Variants in STK35 observed in about 807,000 individuals in gnomAD.
STK35 encodes the protein serine/threonine-protein kinase 35.
Under a neutral mutation model 37.3 loss-of-function variants are expected in STK35, and 17 were observed. The ratio of observed to expected loss-of-function variants is 0.46; its 90% CI spans 0.31 to 0.68. STK35 has a LOEUF of 0.68. Among genes scored for constraint, STK35 ranks in the 30% least tolerant of loss-of-function variants. STK35 has a pLI of 0.05. For missense variants in STK35, 595 were observed against 746.7 expected (o/e 0.80, Z 2.37); for synonymous variants, 385 against 319.1 (o/e 1.21, Z -2.20).
At chr20:2,137,081 TTTGCC>T (rs1440150067) in intron 3 of STK35, among the ~76,000 whole-genome samples, 1 of 152,194 alleles carries the variant, frequency 6.6e-6, no homozygotes, top group East Asian at 1.9e-4. Flanking sequence ...TTCTGGAATT[TTTGCC>T]CTGGCAAGTG....
At chr20:2,137,578 A>G (rs1040159069) in intron 3 of STK35, among the ~76,000 whole-genome samples, 3 of 152,176 alleles carry the variant, frequency 2.0e-5, no homozygotes, top group Admixed American at 6.5e-5. Context: ...CCCGTTCTGT[A>G]TACCCGAAGA....
rs1236879533 is a variant in STK35, at chr20:2,144,075, CAT to C, written c.*332_*333del. ...TTAAAGAAATTCAATGTGGGCAAGG[CAT>C]ATGTGTAAATTTCACTTTTACTTTT... On this transcript the variant is annotated 3_prime_UTR_variant, in exon 4 of 4. Coordinates refer to ENST00000381482, the MANE Select transcript of STK35 (RefSeq NM_080836.4). 2.9e-6 allele frequency: 1 copy of C among 340,392 alleles called. No individual in the cohort carries two copies. Among genetic ancestry groups the C allele is most frequent in the Admixed American group, 4.4e-5 (1 of 22,538 alleles). The allele number at this position is 340,392 out of a possible 1,614,324, so 21.1% of individuals were successfully genotyped here.
At chr20:2,141,687 T>C (rs982722297) in intron 3 of STK35, among the ~76,000 whole-genome samples, 3 of 152,220 alleles carry the variant, frequency 2.0e-5, no homozygotes, top group African/African-American at 7.2e-5. Flanking sequence ...GTATTTATTG[T>C]CAGATTTTCC....
chr20:2,104,439 C>G (rs1806147415), intron 2 of STK35, among the ~76,000 whole-genome samples: 2 of 152,170 alleles, frequency 1.3e-5, no homozygotes, highest in Admixed American at 6.5e-5. Context: ...ATAACTTGAT[C>G]AGGGTTAATC....
At chr20:2,106,467 C>T (rs1253877467) in intron 2 of STK35, among the ~76,000 whole-genome samples, 1 of 152,164 alleles carries the variant, frequency 6.6e-6, no homozygotes, top group African/African-American at 2.4e-5. Context: ...CCCCTTGCCC[C>T]AATGGAACTT....
At position 2,103,392 on chromosome 20, in the gene STK35, C is replaced by T. The variant is rs763618869; in HGVS notation, c.892+27C>T. On this transcript the variant is annotated intron_variant, in intron 2 of 3. Transcript: ENST00000381482. ...TAGGAGCACCGCGGGCCTTTCCACC[C>T]ACGCAGGGCCTGGACCCCCTGCTCT... is the stretch of plus-strand genomic sequence containing the variant. 3.1e-6 allele frequency: 5 copies of T among 1,593,838 alleles called. No homozygotes were observed. In the South Asian group the frequency reaches 3.4e-5, roughly 11 times the overall value.
At chr20:2,121,671 G>A (rs991940878) in intron 3 of STK35, among the ~76,000 whole-genome samples, 1 of 152,184 alleles carries the variant, frequency 6.6e-6, no homozygotes, top group Non-Finnish European at 1.5e-5. Context: ...GAGGAGGTCA[G>A]AGGACTGAGC....
chr20:2,126,793 T>A (rs1985914173), intron 3 of STK35, among the ~76,000 whole-genome samples: 1 of 152,216 alleles, frequency 6.6e-6, no homozygotes, highest in South Asian at 2.1e-4. Context: ...ATTTCCCAAC[T>A]TTTAAAGAAA....
rs906744097 is a variant in STK35 at position 2,143,822 on chromosome 20, C to G, written c.*76C>G. ...GACCCACAGTCTCACCACGTCTCCT[C>G]CAGAGGACGGCAGAGGGTACAGGTG... On this transcript the variant is annotated 3_prime_UTR_variant, in exon 4 of 4. Transcript: ENST00000381482. The G allele has an allele frequency of 2.4e-6, 1 of 415,128 alleles. No individual in the cohort carries two copies. The highest frequency in any genetic ancestry group is 4.6e-6 in the Non-Finnish European group (1 of 215,684). 25.7% of individuals were successfully genotyped at this position (415,128 alleles called of 1,614,324 possible).
chr20:2,123,643 C>T (rs16981792), intron 3 of STK35, among the ~76,000 whole-genome samples: 1,614 of 152,182 alleles, frequency 0.011, 25 homozygotes, highest in African/African-American at 0.034. Flanking sequence ...AGCAGTGATA[C>T]TAAAAAATGG....
In STK35 at chr20:2,144,077, T is replaced by C. The variant is rs1477196799; in HGVS notation, c.*331T>C. 5.9e-6 allele frequency: 2 copies of C among 339,606 alleles called. No homozygotes were observed. Among genetic ancestry groups the C allele is most frequent in the Admixed American group, 8.9e-5 (2 of 22,458 alleles). 21.0% of individuals were successfully genotyped at this position (339,606 alleles called of 1,614,324 possible). On this transcript the variant is annotated 3_prime_UTR_variant, in exon 4 of 4. Coordinates refer to ENST00000381482, the MANE Select transcript of STK35 (RefSeq NM_080836.4). ...AAAGAAATTCAATGTGGGCAAGGCA[T>C]ATGTGTAAATTTCACTTTTACTTTT...
chr20:2,118,456 C>A (rs1340261325), intron 3 of STK35, among the ~76,000 whole-genome samples: 3 of 152,116 alleles, frequency 2.0e-5, no homozygotes, highest in African/African-American at 7.2e-5. Flanking sequence ...GTGGCGGGCA[C>A]TTGTAGTCCC....
intron 3 of STK35, among the ~76,000 whole-genome samples, chr20:2,124,955 A>G (rs1464465046): frequency 1.3e-5 from 2 of 152,170 alleles, no homozygotes; most frequent in African/African-American, 4.8e-5. Context: ...CTGAGCTGTC[A>G]GTTATGTAAT....
intron 2 of STK35, among the ~76,000 whole-genome samples, chr20:2,110,442 G>T (rs555782808): frequency 2.0e-5 from 3 of 152,180 alleles, no homozygotes; most frequent in Admixed American, 1.3e-4. Context: ...CAGCCAATTG[G>T]TATTACCATA....
chr20:2,130,507 T>TG (rs1335548287), intron 3 of STK35, among the ~76,000 whole-genome samples: 1 of 152,214 alleles, frequency 6.6e-6, no homozygotes, highest in Admixed American at 6.5e-5. Flanking sequence ...GCTGAAAACC[T>TG]GTGCGGGGTC....
At chr20:2,110,153 T>C (rs1011609303) in intron 2 of STK35, among the ~76,000 whole-genome samples, 1 of 152,258 alleles carries the variant, frequency 6.6e-6, no homozygotes, top group African/African-American at 2.4e-5. Context: ...TCCGTGTCTT[T>C]AGCTTCTTAG....
intron 1 of STK35, among the ~76,000 whole-genome samples, chr20:2,102,383 C>T (rs953378304): frequency 2.0e-5 from 3 of 152,166 alleles, no homozygotes; most frequent in African/African-American, 7.2e-5. Flanking sequence ...CTGTTTACAC[C>T]CGGGCGAACA....
chr20:2,103,166 G>A lies in STK35; in HGVS notation c.693G>A (p.Lys231=), dbSNP rs1158029964. 1 of 1,607,312 alleles carries A rather than the reference G, an allele frequency of 6.2e-7. No individual in the cohort carries two copies. Among genetic ancestry groups the A allele is most frequent in the South Asian group, 1.1e-5 (1 of 90,780 alleles). ...AGRSGARVAV[K]KIRCDAPENV... ...GCAGCGGGGCCCGGGTGGCGGTCAA[G>A]AAGATCCGCTGCGACGCCCCCGAGA... Residue 231 remains lysine (K), a synonymous_variant, in exon 2 of 4, where the codon AAG becomes AAA. Transcript: ENST00000381482.
chr20:2,103,709 T>C (rs1440376378), intron 2 of STK35, among the ~76,000 whole-genome samples: 4 of 152,124 alleles, frequency 2.6e-5, no homozygotes, highest in Non-Finnish European at 5.9e-5. Context: ...GTTCAGTTAG[T>C]AGCAGAACTG....
Sources: gnomAD v4.1 joint callset for allele counts (sites outside exome capture counted in the v4.1 genomes callset) on GRCh38, gnomAD v4.1.1 for gene constraint, MANE v1.5 for transcripts, NCBI Gene and HGNC (gene_info 2026-07-23, HGNC 2026-07-21) for gene names.